The following CPQ variants were observed in gnomAD, a reference collection of about 807,000 sequenced individuals.
CPQ encodes the protein Ser-Met dipeptidase.
CPQ carries 37 observed loss-of-function variants against 45.7 expected under a neutral mutation model. The ratio of observed to expected loss-of-function variants is 0.81; its 90% CI spans 0.62 to 1.07. The LOEUF (loss-of-function observed/expected upper bound fraction) is 1.07. Among genes scored for constraint, CPQ ranks in the 50% least tolerant of loss-of-function variants. CPQ has a pLI of 0.00. For missense variants in CPQ, 537 were observed against 572.9 expected, an observed-to-expected ratio of 0.94 and a Z score of 0.64; for synonymous variants, 186 against 205.8, an observed-to-expected ratio of 0.90 and a Z score of 0.82.
intron 6 of CPQ, among the ~76,000 whole-genome samples, chr8:97,050,291 T>G (rs1034097747): frequency 6.6e-6 from 1 of 152,172 alleles, no homozygotes; most frequent in Non-Finnish European, 1.5e-5. Flanking sequence ...TTGATACCAG[T>G]GTAAATAAGT....
chr8:96,666,773 TG>T (rs1368958205), intron 1 of CPQ, among the ~76,000 whole-genome samples: 3 of 152,218 alleles, frequency 2.0e-5, no homozygotes, highest in Non-Finnish European at 4.4e-5. Flanking sequence ...CCGGGCTTGA[TG>T]GCCCTCTTCT....
rs1226560027 is a variant in CPQ, at chr8:97,125,127, A to T, written c.1256-17893A>T. Among the ~76,000 whole-genome samples, 6 of 152,170 alleles carry T rather than the reference A, an allele frequency of 3.9e-5. No individual in the cohort carries two copies. In the East Asian group the frequency reaches 1.2e-3, roughly 29 times the overall value. On this transcript the variant is annotated intron_variant, in intron 7 of 7. Transcript: ENST00000220763. Reference sequence around the variant, plus strand: ...AGGACTCTAATGAACAAACATATACAAAAAATTCAACAACGCAGATGACAT... The same window carrying T: ...AGGACTCTAATGAACAAACATATACTAAAAATTCAACAACGCAGATGACAT...
chr8:96,985,386 T>C (rs550957242), intron 5 of CPQ, among the ~76,000 whole-genome samples: 5 of 152,302 alleles, frequency 3.3e-5, no homozygotes, highest in South Asian at 2.1e-4. Context: ...TTGTCTCCCA[T>C]GTCTCTCAAT....
chr8:97,113,368 A>G (rs4487723), intron 7 of CPQ, among the ~76,000 whole-genome samples: 31,877 of 152,160 alleles, frequency 0.21, 3,510 homozygotes, highest in South Asian at 0.35. Flanking sequence ...CAGGAGGAAC[A>G]TAAACAGGAC....
At chr8:96,647,653 C>A (rs1815532952) in intron 1 of CPQ, among the ~76,000 whole-genome samples, 1 of 152,140 alleles carries the variant, frequency 6.6e-6, no homozygotes, top group African/African-American at 2.4e-5. Flanking sequence ...TATATACAAA[C>A]CCTGGGTTAT....
rs551253674 is a variant in CPQ at position 96,710,470 on chromosome 8, G to T, written c.-35+65068G>T. ...TAATTTGTAATCTTTCAGGCTATTTGATGCAAGCATTTAGACCTATAATTT... is the reference window on the plus strand; with the variant it reads ...TAATTTGTAATCTTTCAGGCTATTTTATGCAAGCATTTAGACCTATAATTT... On this transcript the variant is annotated intron_variant, in intron 1 of 7. Coordinates refer to ENST00000220763, the MANE Select transcript of CPQ (RefSeq NM_016134.4). Among the ~76,000 whole-genome samples the T allele has an allele frequency of 3.9e-5, 6 of 152,192 alleles. No homozygotes were observed. The South Asian group carries it at 1.2e-3, about 32-fold the overall frequency.
chr8:97,110,105 G>C (rs1160766724), intron 7 of CPQ, among the ~76,000 whole-genome samples: 1 of 152,106 alleles, frequency 6.6e-6, no homozygotes, highest in Non-Finnish European at 1.5e-5. Flanking sequence ...CAGCACCCCA[G>C]ACATTTTCCC....
chr8:96,957,741 GTGAGCCAAGA>G (rs1813378542), intron 4 of CPQ, among the ~76,000 whole-genome samples: 1 of 151,828 alleles, frequency 6.6e-6, no homozygotes, highest in Non-Finnish European at 1.5e-5. Context: ...AGAGGTTGCT[GTGAGCCAAGA>G]TCACACCTCT....
At chr8:96,734,697 C>T (rs1313220471) in intron 1 of CPQ, among the ~76,000 whole-genome samples, 4 of 150,306 alleles carry the variant, frequency 2.7e-5, no homozygotes, top group South Asian at 2.1e-4. Context: ...GATGACAGAG[C>T]GAGACTCCAT....
chr8:96,919,129 C>CTT (rs149999281), intron 4 of CPQ, among the ~76,000 whole-genome samples: 4 of 150,838 alleles, frequency 2.7e-5, no homozygotes, highest in African/African-American at 9.8e-5. Context: ...TGTCTTTCGC[C>CTT]TTTTTTTTTG....
intron 4 of CPQ, among the ~76,000 whole-genome samples, chr8:96,910,528 G>A (rs1029090574): frequency 9.2e-5 from 14 of 151,992 alleles, no homozygotes; most frequent in African/African-American, 2.4e-4. Flanking sequence ...TCTTTGAGAC[G>A]GAGTCTCACT....
intron 5 of CPQ, among the ~76,000 whole-genome samples, chr8:97,022,738 G>C (rs954738625): frequency 2.0e-5 from 3 of 151,818 alleles, no homozygotes; most frequent in Non-Finnish European, 4.4e-5. Flanking sequence ...AATTGATGTT[G>C]GCAGGGATGC....
At chr8:96,861,261 C>A (rs949605624) in intron 3 of CPQ, among the ~76,000 whole-genome samples, 4 of 152,028 alleles carry the variant, frequency 2.6e-5, no homozygotes, top group South Asian at 4.1e-4. Flanking sequence ...AAATTATATG[C>A]CCAGTTGTCT....
In CPQ at chr8:97,060,454, G is replaced by C. The variant is rs147815536; in HGVS notation, c.1054-5555G>C. Among the ~76,000 whole-genome samples the C allele has an allele frequency of 2.3e-3, 343 of 152,228 alleles. 3 individuals are homozygous for C. Among genetic ancestry groups the C allele is most frequent in the African/African-American group, 8.0e-3 (332 of 41,542 alleles). On this transcript the variant is annotated intron_variant, in intron 6 of 7. Transcript: ENST00000220763. The stretch of plus-strand genomic sequence containing the variant: ...TCTGACCATAAGAGGTTACCTTGGA[G>C]CATTCCTCTACATTGCATTATGTAT...
intron 6 of CPQ, among the ~76,000 whole-genome samples, chr8:97,042,147 C>T (rs1170718067): frequency 5.9e-5 from 9 of 152,102 alleles, no homozygotes; most frequent in African/African-American, 1.7e-4. Context: ...CTATTGATTA[C>T]TGCCACAATT....
intron 4 of CPQ, among the ~76,000 whole-genome samples, chr8:96,963,182 A>G (rs1813490036): frequency 6.6e-6 from 1 of 152,188 alleles, no homozygotes; most frequent in African/African-American, 2.4e-5. Flanking sequence ...TTGTTCCTAT[A>G]TATTATCTGA....
At chr8:96,780,356 G>A (rs558032371) in intron 1 of CPQ, among the ~76,000 whole-genome samples, 10 of 152,134 alleles carry the variant, frequency 6.6e-5, no homozygotes, top group African/African-American at 1.4e-4. Context: ...AGGAGGTGAG[G>A]AGAAGGGTCT....
intron 7 of CPQ, among the ~76,000 whole-genome samples, chr8:97,110,708 T>A (rs1356588519): frequency 6.6e-6 from 1 of 152,156 alleles, no homozygotes; most frequent in Non-Finnish European, 1.5e-5. Flanking sequence ...TCCCCTCCAC[T>A]TGAGCTTCTG....
intron 4 of CPQ, among the ~76,000 whole-genome samples, chr8:96,919,693 G>A (rs1812782178): frequency 6.6e-6 from 1 of 152,146 alleles, no homozygotes; most frequent in African/African-American, 2.4e-5. Context: ...TTCAATTAGG[G>A]AGGTTCCCCA....
Sources: allele counts gnomAD v4.1 joint callset (sites outside exome capture counted in the v4.1 genomes callset), GRCh38; gene constraint gnomAD v4.1.1; transcripts MANE v1.5; gene names NCBI Gene and HGNC (gene_info 2026-07-23, HGNC 2026-07-21).